The following PTPRZ1 variants were observed in gnomAD, a reference collection of about 807,000 sequenced individuals.
PTPRZ1 encodes protein tyrosine phosphatase receptor type Z1.
PTPRZ1 carries 82 observed loss-of-function variants against 214.1 expected under a neutral mutation model. That is an observed-to-expected ratio of 0.38 (90% confidence interval 0.32 to 0.46). The LOEUF (loss-of-function observed/expected upper bound fraction) is 0.46, where lower values mean the gene tolerates loss of function less well. PTPRZ1 is among the 20% of genes least tolerant of loss of function. The pLI is 1.00. For synonymous variants in PTPRZ1, 945 were observed against 987.9 expected (o/e 0.96, Z 0.81); for missense variants, 2,603 against 2,748.7 (o/e 0.95, Z 1.19).
At chr7:121,991,754 A>G (rs1797970084) in intron 8 of PTPRZ1, among the ~76,000 whole-genome samples, 1 of 152,228 alleles carries the variant, frequency 6.6e-6, no homozygotes, top group Non-Finnish European at 1.5e-5. Context: ...AATTAGAAAG[A>G]CTTCTTTTGG....
At position 122,034,274 on chromosome 7, in the gene PTPRZ1, T is replaced by G. The variant is rs1349509886; in HGVS notation, c.5188-8T>G. ...GTGTTAAAATGATTTACATATAATT[T>G]TTTACAGGAAGTGCAGAGCTGTACT... On this transcript the variant is annotated splice_region_variant and splice_polypyrimidine_tract_variant and intron_variant, in intron 16 of 29. Coordinates refer to ENST00000393386, the MANE Select transcript of PTPRZ1 (RefSeq NM_002851.3). The G allele has an allele frequency of 6.2e-7, 1 of 1,610,720 alleles. No homozygotes were observed. The highest frequency in any genetic ancestry group is 8.5e-7 in the Non-Finnish European group (1 of 1,178,366).
rs758229531 is a variant in PTPRZ1, at chr7:122,010,446, A to G, written c.1400A>G (p.Tyr467Cys). The stretch of plus-strand genomic sequence containing the variant: ...CCCCAGATTTCTACCACAACACACT[A>G]CAATCGCATAGGGACGAAATACAAT... ...KEPQISTTTH[Y>C]NRIGTKYNEA... The change falls in exon 12 of 30, where the codon TAC becomes TGC. Residue 467 changes from tyrosine (Y) to cysteine (C), a missense_variant. Physicochemically the swap from Tyr to Cys is radical, Grantham distance 194. Around this residue, in one of 6 missense-constraint regions of PTPRZ1, gnomAD observed 1,913 missense variants for 1,914.3 expected, o/e 1.00. Transcript: ENST00000393386. The G allele has an allele frequency of 6.2e-7, 1 of 1,614,088 alleles. No homozygotes were observed. The highest frequency in any genetic ancestry group is 8.5e-7 in the Non-Finnish European group (1 of 1,179,940).
At chr7:121,874,061 C>CACACACACACACACACACACACACCT (rs1415912592) in intron 1 of PTPRZ1, among the ~76,000 whole-genome samples, 8 of 151,764 alleles carry the variant, frequency 5.3e-5, no homozygotes, top group African/African-American at 1.9e-4. Context: ...CACACACACA[C>CACACACACACACACACACACACACCT]ACACCTGAAA....
intron 1 of PTPRZ1, among the ~76,000 whole-genome samples, chr7:121,892,921 A>T: frequency 6.6e-6 from 1 of 151,774 alleles, no homozygotes; most frequent in Non-Finnish European, 1.5e-5. Context: ...TGATTAGAAA[A>T]TTATACACAA....
chr7:121,894,669 A>T (rs993722069), intron 1 of PTPRZ1, among the ~76,000 whole-genome samples: 8 of 152,166 alleles, frequency 5.3e-5, no homozygotes, highest in African/African-American at 1.9e-4. Context: ...GCCTCCCAAA[A>T]TGTTGGCATT....
chr7:121,895,968 A>C (rs1050260848), intron 1 of PTPRZ1, among the ~76,000 whole-genome samples: 1 of 152,162 alleles, frequency 6.6e-6, no homozygotes, highest in South Asian at 2.1e-4. Context: ...AAGTGTTACC[A>C]GGCTCCCTAG....
At chr7:122,042,995 C>A (rs909211701) in intron 22 of PTPRZ1, among the ~76,000 whole-genome samples, 1 of 152,174 alleles carries the variant, frequency 6.6e-6, no homozygotes, top group African/African-American at 2.4e-5. Context: ...AGCACAATTC[C>A]AGTCTCAGTC....
intron 6 of PTPRZ1, among the ~76,000 whole-genome samples, chr7:121,981,625 T>C (rs976580566): frequency 4.6e-5 from 7 of 152,200 alleles, no homozygotes; most frequent in Non-Finnish European, 7.3e-5. Flanking sequence ...CAGATACAAA[T>C]GAGACTATTC....
intron 2 of PTPRZ1, among the ~76,000 whole-genome samples, chr7:121,952,481 G>C (rs771597726): frequency 4.3e-4 from 65 of 152,058 alleles, no homozygotes; most frequent in Non-Finnish European, 6.9e-4. Flanking sequence ...AGCTACTTGG[G>C]AGACTGAGGC....
chr7:122,060,249 C>G (rs1043195562), intron 29 of PTPRZ1, among the ~76,000 whole-genome samples: 1 of 152,098 alleles, frequency 6.6e-6, no homozygotes, highest in Non-Finnish European at 1.5e-5. Flanking sequence ...GGCAGGAGGT[C>G]AAAGTTATCT....
intron 8 of PTPRZ1, among the ~76,000 whole-genome samples, chr7:121,986,680 ATAAT>A (rs754144525): frequency 3.3e-5 from 5 of 152,216 alleles, no homozygotes; most frequent in African/African-American, 4.8e-5. Flanking sequence ...CATAGTAATA[ATAAT>A]TTATTTATCA....
At chr7:121,886,633 T>C (rs751168862) in intron 1 of PTPRZ1, among the ~76,000 whole-genome samples, 2 of 152,176 alleles carry the variant, frequency 1.3e-5, no homozygotes, top group African/African-American at 2.4e-5. Context: ...CTAAGGCCAA[T>C]GTTAAGAGAC....
At chr7:121,893,882 T>C (rs192727860) in intron 1 of PTPRZ1, among the ~76,000 whole-genome samples, 1 of 152,300 alleles carries the variant, frequency 6.6e-6, no homozygotes, top group East Asian at 1.9e-4. Context: ...AATATAATGA[T>C]ATTATTAGGT....
At chr7:121,991,679 T>G (rs1369142464) in intron 8 of PTPRZ1, among the ~76,000 whole-genome samples, 1 of 152,194 alleles carries the variant, frequency 6.6e-6, no homozygotes, top group Non-Finnish European at 1.5e-5. Flanking sequence ...TGGAAGATTA[T>G]ATACTACAAA....
intron 2 of PTPRZ1, among the ~76,000 whole-genome samples, chr7:121,948,473 A>G (rs901251550): frequency 6.6e-6 from 1 of 152,178 alleles, no homozygotes; most frequent in African/African-American, 2.4e-5. Flanking sequence ...TAAATAAATA[A>G]GAATAAACAT....
chr7:122,036,553 GA>G, intron 17 of PTPRZ1, 46 bp from the exon 18 acceptor site: 1 of 1,227,752 alleles, frequency 8.1e-7, no homozygotes, highest in South Asian at 1.3e-5. Flanking sequence ...TCTTTGTGCT[GA>G]AAAGTAGTCT....
intron 27 of PTPRZ1, 103 bp from the exon 28 acceptor site, chr7:122,058,697 C>A: frequency 1.1e-6 from 1 of 930,236 alleles, no homozygotes; most frequent in Non-Finnish European, 1.6e-6. Flanking sequence ...CTCATGCCTG[C>A]CATTGGGTTT....
At chr7:121,968,732 A>C (rs922919446) in intron 3 of PTPRZ1, among the ~76,000 whole-genome samples, 1 of 151,756 alleles carries the variant, frequency 6.6e-6, no homozygotes, top group Non-Finnish European at 1.5e-5. Context: ...AAAAAGTGAC[A>C]CCTTTTCTTT....
At chr7:122,040,712 A>G (rs547856287) in intron 20 of PTPRZ1, 104 bp from the exon 21 acceptor site, 125 of 808,726 alleles carry the variant, frequency 1.5e-4, no homozygotes, top group African/African-American at 1.4e-3. Context: ...ATGATTCCTG[A>G]CTTGCTGTTG....
Sources: allele counts gnomAD v4.1 joint callset (sites outside exome capture counted in the v4.1 genomes callset), GRCh38; gene constraint gnomAD v4.1.1; regional missense constraint gnomAD v4.1.1; transcripts MANE v1.5; gene names NCBI Gene and HGNC (gene_info 2026-07-23, HGNC 2026-07-21).